Variants in ATXN10 observed in about 807,000 individuals in gnomAD.
The protein encoded by ATXN10 is ataxin-10.
Under a neutral mutation model 52.9 loss-of-function variants are expected in ATXN10, and 28 were observed. That is an observed-to-expected ratio of 0.53 (90% confidence interval 0.39 to 0.73). ATXN10 has a LOEUF of 0.73. Among genes scored for constraint, ATXN10 ranks in the 30% least tolerant of loss-of-function variants. The pLI, the probability that ATXN10 is intolerant of heterozygous loss-of-function variation, is 0.00. For missense variants in ATXN10, 565 were observed against 577.0 expected, an observed-to-expected ratio of 0.98 and a Z score of 0.21; for synonymous variants, 226 against 221.5, an observed-to-expected ratio of 1.02 and a Z score of -0.18.
chr22:45,684,093 G>A lies in ATXN10; in HGVS notation c.117-5619G>A, dbSNP rs189852496. Among the ~76,000 whole-genome samples, 3 of 151,812 alleles carry A rather than the reference G, an allele frequency of 2.0e-5. No homozygotes were observed. Among genetic ancestry groups the A allele is most frequent in the African/African-American group, 4.8e-5 (2 of 41,408 alleles). ...CAGGCTCCCAAGTAGCTGGGACTAC[G>A]AGGCACAGACCATCAAGCCCAGCTA... On this transcript the variant is annotated intron_variant, in intron 1 of 11. Coordinates refer to ENST00000252934, the MANE Select transcript of ATXN10 (RefSeq NM_013236.4). The surrounding 1 kb of genome is among the most constrained non-coding windows in gnomAD (Gnocchi z 4.1).
At chr22:45,729,616 C>G in intron 7 of ATXN10, 26 bp downstream of exon 7, 1 of 1,613,102 alleles carries the variant, frequency 6.2e-7, no homozygotes, top group Non-Finnish European at 8.5e-7. Flanking sequence ...TTCCCAATCT[C>G]GGGTAAAAGA....
intron 9 of ATXN10, among the ~76,000 whole-genome samples, chr22:45,749,010 A>G (rs1925843646): frequency 6.6e-6 from 1 of 152,220 alleles, no homozygotes; most frequent in African/African-American, 2.4e-5. Flanking sequence ...ATTCTCTTCC[A>G]GGAAATGCAT....
Position 45,685,278 on chromosome 22 carries a change from A to G in ATXN10, c.117-4434A>G, listed in dbSNP as rs191343226. On this transcript the variant is annotated intron_variant, in intron 1 of 11. Transcript: ENST00000252934. ...TCTGTTCAAACTTGAGGGAAATGAA[A>G]TTCTACCTTTTGTATAATTCAAAGG... 3.3e-5 allele frequency among the ~76,000 whole-genome samples: 5 copies of G among 152,278 alleles called. No homozygotes were observed. In the East Asian group the frequency reaches 9.6e-4, roughly 29 times the overall value.
At position 45,708,324 on chromosome 22, in the gene ATXN10, A is replaced by G. The variant is rs1924117854; in HGVS notation, c.647+5477A>G. Among the ~76,000 whole-genome samples, 1 of 152,156 alleles carries G rather than the reference A, an allele frequency of 6.6e-6. No individual in the cohort carries two copies. The highest frequency in any genetic ancestry group is 6.5e-5 in the Admixed American group (1 of 15,282). On this transcript the variant is annotated intron_variant, in intron 5 of 11. Coordinates refer to ENST00000252934, the MANE Select transcript of ATXN10 (RefSeq NM_013236.4). This position sits in a 1 kb window ranked among gnomAD's most constrained non-coding sequence, Gnocchi z 5.3. ...GTGCAGAATTACACAGTAGAGGAAG[A>G]GGTAGGACTGCCTCGTGCTGATCCT...
At position 45,732,632 on chromosome 22, in the gene ATXN10, A is replaced by G. The variant is rs1053345478; in HGVS notation, c.894+3042A>G. On this transcript the variant is annotated intron_variant, in intron 7 of 11. Transcript: ENST00000252934. The surrounding 1 kb of genome is among the most constrained non-coding windows in gnomAD (Gnocchi z 4.5). ...CCAGTATTTAAATATGCCAAAGACC[A>G]AGTGCTATACTGGAGCTGGCCTGTG... is the stretch of plus-strand genomic sequence containing the variant. Among the ~76,000 whole-genome samples the G allele has an allele frequency of 1.3e-5, 2 of 151,912 alleles. No individual in the cohort carries two copies. The highest frequency in any genetic ancestry group is 4.8e-5 in the African/African-American group (2 of 41,322).
At chr22:45,689,617 T>C in intron 1 of ATXN10, 95 bp from the exon 2 acceptor site, 1 of 1,071,564 alleles carries the variant, frequency 9.3e-7, no homozygotes, top group South Asian at 1.3e-5. Context: ...GTAGCGTACC[T>C]CCCCACAATA....
intron 4 of ATXN10, 39 bp from the exon 5 acceptor site, chr22:45,702,650 A>G (rs1923883552): frequency 1.2e-6 from 2 of 1,609,090 alleles, no homozygotes; most frequent in Non-Finnish European, 1.7e-6. Flanking sequence ...TTATCATGTT[A>G]CTAAATTGGG....
At chr22:45,811,221 A>G (rs2146889228) in intron 10 of ATXN10, among the ~76,000 whole-genome samples, 2 of 152,306 alleles carry the variant, frequency 1.3e-5, no homozygotes, top group South Asian at 4.2e-4. Context: ...AGGTCCTGAG[A>G]AATAGTCCTG....
chr22:45,804,024 T>C (rs146125966), intron 9 of ATXN10, among the ~76,000 whole-genome samples: 1 of 152,262 alleles, frequency 6.6e-6, no homozygotes, highest in African/African-American at 2.4e-5. Flanking sequence ...GGATAGGATA[T>C]AGTATAAAAT....
intron 9 of ATXN10, among the ~76,000 whole-genome samples, chr22:45,764,470 C>G: frequency 6.6e-6 from 1 of 152,284 alleles, no homozygotes; most frequent in East Asian, 1.9e-4. Context: ...CTGGCTAATC[C>G]GGGTTTGTTT....
At chr22:45,827,213 A>G (rs1928845600) in intron 10 of ATXN10, among the ~76,000 whole-genome samples, 1 of 152,136 alleles carries the variant, frequency 6.6e-6, no homozygotes, top group Admixed American at 6.6e-5. Context: ...AAAGGAACTT[A>G]AACATTTCAG....
At chr22:45,815,934 G>C (rs1353584569) in intron 10 of ATXN10, among the ~76,000 whole-genome samples, 1 of 152,136 alleles carries the variant, frequency 6.6e-6, no homozygotes, top group Non-Finnish European at 1.5e-5. Flanking sequence ...TGAGCATCTA[G>C]CACGTAGTAA....
intron 9 of ATXN10, among the ~76,000 whole-genome samples, chr22:45,743,435 C>T (rs1925613456): frequency 6.6e-6 from 1 of 152,130 alleles, no homozygotes; most frequent in Admixed American, 6.5e-5. Context: ...CTCATTGTTG[C>T]CTCAAGGGAT....
rs1459812086 is a variant in ATXN10 at position 45,677,323 on chromosome 22, G to T, written c.116+5144G>T. On this transcript the variant is annotated intron_variant, in intron 1 of 11. Transcript: ENST00000252934. The surrounding 1 kb of genome is among the most constrained non-coding windows in gnomAD (Gnocchi z 4.1). ...GGCAGATGCTTATCAGTTTCTTGTG[G>T]AGTTGCTGCTATTTCTATAACTTAT... 1 of 152,080 alleles carries T rather than the reference G, an allele frequency of 6.6e-6. No individual in the cohort carries two copies. Among genetic ancestry groups the T allele is most frequent in the Non-Finnish European group, 1.5e-5 (1 of 68,014 alleles). The allele number at this position is 152,080 out of a possible 1,614,324, so 9.4% of individuals were successfully genotyped here.
At chr22:45,722,408 G>A (rs1345306021) in intron 6 of ATXN10, among the ~76,000 whole-genome samples, 1 of 152,190 alleles carries the variant, frequency 6.6e-6, no homozygotes, top group Admixed American at 6.5e-5. Context: ...CTTAATGTAA[G>A]TAGGATCATT....
chr22:45,842,609 A>G lies in ATXN10; in HGVS notation c.1238-382A>G, dbSNP rs1929383771. On this transcript the variant is annotated intron_variant, in intron 10 of 11. Coordinates refer to ENST00000252934, the MANE Select transcript of ATXN10 (RefSeq NM_013236.4). The surrounding 1 kb of genome is among the most constrained non-coding windows in gnomAD (Gnocchi z 4.8). ...TCCCTAGTGAGTCAGTAACATAATT[A>G]TTCAACAAAGGAATGTGTGTGTGTG... 6.6e-6 allele frequency among the ~76,000 whole-genome samples: 1 copy of G among 152,158 alleles called. No individual in the cohort carries two copies. The highest frequency in any genetic ancestry group is 1.5e-5 in the Non-Finnish European group (1 of 68,016).
rs762691600 is a variant in ATXN10, at chr22:45,781,702, A to C, written c.1174-25257A>C. On this transcript the variant is annotated intron_variant, in intron 9 of 11. Transcript: ENST00000252934. The surrounding 1 kb of genome is among the most constrained non-coding windows in gnomAD (Gnocchi z 4.2). ...GGATTTCAAAGCATCCATCATAGAA[A>C]TGCTTCTGTAAGCAATTATGACCAC... is the stretch of plus-strand genomic sequence containing the variant. Among the ~76,000 whole-genome samples, 1 of 152,210 alleles carries C rather than the reference A, an allele frequency of 6.6e-6. No individual in the cohort carries two copies. Among genetic ancestry groups the C allele is most frequent in the Non-Finnish European group, 1.5e-5 (1 of 68,044 alleles).
chr22:45,787,622 A>G lies in ATXN10; in HGVS notation c.1174-19337A>G, dbSNP rs1162922182. ...ACTTTGGTGGCTCTTCCCATATCCC[A>G]GCTTTGGACAGAATAGTCAGTTGGA... is the stretch of plus-strand genomic sequence containing the variant. On this transcript the variant is annotated intron_variant, in intron 9 of 11. Coordinates refer to ENST00000252934, the MANE Select transcript of ATXN10 (RefSeq NM_013236.4). This position sits in a 1 kb window ranked among gnomAD's most constrained non-coding sequence, Gnocchi z 4.2. 6.6e-6 allele frequency among the ~76,000 whole-genome samples: 1 copy of G among 152,184 alleles called. No individual in the cohort carries two copies. The highest frequency in any genetic ancestry group is 1.5e-5 in the Non-Finnish European group (1 of 68,032).
intron 7 of ATXN10, among the ~76,000 whole-genome samples, chr22:45,730,442 T>C (rs1259665658): frequency 6.6e-6 from 1 of 152,168 alleles, no homozygotes; most frequent in Non-Finnish European, 1.5e-5. Context: ...GTTGTTTGTT[T>C]GTTTGTTTTG....
Sources: gnomAD v4.1 joint callset for allele counts (sites outside exome capture counted in the v4.1 genomes callset) on GRCh38, gnomAD v4.1.1 for gene constraint, Gnocchi (gnomAD v3.1) non-coding constraint, MANE v1.5 for transcripts, NCBI Gene and HGNC (gene_info 2026-07-23, HGNC 2026-07-21) for gene names.